The following GPA33 variants were observed in gnomAD, a reference collection of about 807,000 sequenced individuals.
The protein encoded by GPA33 is glycoprotein A33, also known as cell surface A33 antigen.
Under a neutral mutation model 35.6 loss-of-function variants are expected in GPA33, and 27 were observed. The observed-to-expected ratio is 0.76, with a 90% CI of 0.56 to 1.04. The LOEUF (loss-of-function observed/expected upper bound fraction) is 1.04, where lower values mean the gene tolerates loss of function less well. Ranked by LOEUF, GPA33 falls within the 50% of genes least tolerant of loss-of-function variation. GPA33 has a pLI of 0.00. For synonymous variants in GPA33, 176 were observed against 164.0 expected, an observed-to-expected ratio of 1.07 and a Z score of -0.56; for missense variants, 428 against 411.9, an observed-to-expected ratio of 1.04 and a Z score of -0.34.
At chr1:167,086,649 G>A (rs1667054689) in intron 1 of GPA33, among the ~76,000 whole-genome samples, 1 of 152,228 alleles carries the variant, frequency 6.6e-6, no homozygotes, top group Admixed American at 6.5e-5. Context: ...TTCTAAAATG[G>A]CACAATCAGC....
At chr1:167,078,853 C>T (rs1478951752) in intron 1 of GPA33, 1 of 152,094 alleles carries the variant, frequency 6.6e-6, no homozygotes, top group Non-Finnish European at 1.5e-5. Context: ...AGAAACGGGC[C>T]GTGTGAGAAT....
chr1:167,070,684 A>G (rs74119587), intron 2 of GPA33, among the ~76,000 whole-genome samples: 2,507 of 152,282 alleles, frequency 0.016, 61 homozygotes, highest in African/African-American at 0.056. Flanking sequence ...GGAAGGAGAA[A>G]AGGGACTGGT....
intron 1 of GPA33, among the ~76,000 whole-genome samples, chr1:167,075,947 G>A (rs1666813922): frequency 6.6e-6 from 1 of 152,206 alleles, no homozygotes; most frequent in African/African-American, 2.4e-5. Flanking sequence ...AGGGCAGAGA[G>A]ATGGTCATTG....
At chr1:167,074,041 T>C (rs1666775328) in intron 1 of GPA33, among the ~76,000 whole-genome samples, 1 of 151,516 alleles carries the variant, frequency 6.6e-6, no homozygotes, top group South Asian at 2.1e-4. Flanking sequence ...TAAAGAATTT[T>C]ATGAATAAGA....
chr1:167,083,775 G>C (rs1440553832), intron 1 of GPA33, among the ~76,000 whole-genome samples: 1 of 152,074 alleles, frequency 6.6e-6, no homozygotes, highest in East Asian at 1.9e-4. Flanking sequence ...AGAGGTCAGG[G>C]GGTGGCAGAA....
intron 1 of GPA33, among the ~76,000 whole-genome samples, chr1:167,089,931 T>C (rs1392149358): frequency 6.6e-6 from 1 of 152,152 alleles, no homozygotes; most frequent in Non-Finnish European, 1.5e-5. Context: ...ACAACTCCGA[T>C]TTCAAATACT....
chr1:167,061,506 C>T (rs1438045436), intron 4 of GPA33, among the ~76,000 whole-genome samples: 6 of 150,582 alleles, frequency 4.0e-5, no homozygotes, highest in Admixed American at 6.6e-5. Context: ...ACCAGAAATA[C>T]GTAAACACAA....
chr1:167,064,046 A>T (rs1478629647), intron 3 of GPA33, among the ~76,000 whole-genome samples: 1 of 152,262 alleles, frequency 6.6e-6, no homozygotes, highest in South Asian at 2.1e-4. Flanking sequence ...ATAGCGGAAC[A>T]TGGCCGTTAG....
In GPA33 at chr1:167,054,315, G is replaced by T; in HGVS notation, c.*19C>A. The stretch of plus-strand genomic sequence containing the variant: ...ATGAACCCCTAACCCTTCCTCCGCC[G>T]CCCTCTGCTGCTGGCCTGTCACTGG... On this transcript the variant is annotated 3_prime_UTR_variant, in exon 7 of 7. Transcript: ENST00000367868. The T allele has an allele frequency of 6.2e-7, 1 of 1,613,634 alleles. No homozygotes were observed. The highest frequency in any genetic ancestry group is 8.5e-7 in the Non-Finnish European group (1 of 1,179,836).
Position 167,063,764 on chromosome 1 carries a change from G to C in GPA33, c.416-27C>G, listed in dbSNP as rs763842552. The C allele has an allele frequency of 9.4e-6, 15 of 1,601,748 alleles. No individual in the cohort carries two copies. In the South Asian group the frequency reaches 1.7e-4, roughly 18 times the overall value. On this transcript the variant is annotated intron_variant, in intron 3 of 6. Transcript: ENST00000367868. ...TATATAGAGGAGAGACCAAAGAGAA[G>C]GCATGAGGCAGGTGGGGCTTGGTGA...
intron 1 of GPA33, among the ~76,000 whole-genome samples, chr1:167,086,841 A>T (rs1449429740): frequency 2.6e-5 from 4 of 152,148 alleles, no homozygotes; most frequent in Non-Finnish European, 5.9e-5. Context: ...TTTAACTTAG[A>T]AAAACAAGGA....
At chr1:167,076,932 G>T (rs1368684143) in intron 1 of GPA33, among the ~76,000 whole-genome samples, 1 of 152,144 alleles carries the variant, frequency 6.6e-6, no homozygotes, top group African/African-American at 2.4e-5. Flanking sequence ...CTGGCAGGGC[G>T]CAGTGGCTCG....
At chr1:167,072,952 A>G (rs1666749638) in intron 2 of GPA33, among the ~76,000 whole-genome samples, 1 of 151,980 alleles carries the variant, frequency 6.6e-6, no homozygotes. Flanking sequence ...CTCAATGCAC[A>G]CTTTTTATGA....
chr1:167,068,985 A>G lies in GPA33; in HGVS notation c.352T>C (p.Ser118Pro). 6.2e-7 allele frequency: 1 copy of G among 1,614,020 alleles called. No homozygotes were observed. Among genetic ancestry groups the G allele is most frequent in the Admixed American group, 1.7e-5 (1 of 60,028 alleles). The change falls in exon 3 of 7, where the codon TCT becomes CCT. Residue 118 changes from serine to proline, a missense_variant. By Grantham distance (74) the Ser-to-Pro change is moderately conservative. Coordinates refer to ENST00000367868, the MANE Select transcript of GPA33 (RefSeq NM_005814.3). The stretch of plus-strand genomic sequence containing the variant: ...TCCAGGTCTGACATCAGCGAGACAG[A>G]ACACTCGTAGGTGCCGTTGTCAGCC... ...TMADNGTYEC[S>P]VSLMSDLEGN...
intron 1 of GPA33, 106 bp from the exon 2 acceptor site, chr1:167,073,645 C>T (rs1666766130): frequency 1.0e-6 from 1 of 976,558 alleles, no homozygotes; most frequent in African/African-American, 1.6e-5. Context: ...TGTTCTTGCA[C>T]CTCCAGCCAC....
chr1:167,074,718 C>T (rs145440963), intron 1 of GPA33, among the ~76,000 whole-genome samples: 1 of 149,434 alleles, frequency 6.7e-6, no homozygotes, highest in East Asian at 2.0e-4. Flanking sequence ...GCACAAGGAA[C>T]AGCAAGGGAG....
intron 3 of GPA33, among the ~76,000 whole-genome samples, chr1:167,067,275 A>AATTT (rs57948383): frequency 0.58 from 84,518 of 146,640 alleles, 25,336 homozygotes; most frequent in Non-Finnish European, 0.66. Context: ...CCTCCACCTC[A>AATTT]ATTTATTTAT....
chr1:167,060,547 A>G (rs947306548), intron 4 of GPA33, among the ~76,000 whole-genome samples: 1 of 148,566 alleles, frequency 6.7e-6, no homozygotes, highest in African/African-American at 2.6e-5. Context: ...TCTTAACTAG[A>G]GACAGGATAA....
chr1:167,071,760 G>T (rs1303824787), intron 2 of GPA33, among the ~76,000 whole-genome samples: 1 of 152,066 alleles, frequency 6.6e-6, no homozygotes, highest in Non-Finnish European at 1.5e-5. Flanking sequence ...CTCCCTCCCT[G>T]GACCTCCGCC....
Sources: gnomAD v4.1 joint callset for allele counts (sites outside exome capture counted in the v4.1 genomes callset) on GRCh38, gnomAD v4.1.1 for gene constraint, MANE v1.5 for transcripts, NCBI Gene and HGNC (gene_info 2026-07-23, HGNC 2026-07-21) for gene names.